ALDH1L2: variants seen among roughly 807,000 people sequenced by gnomAD.
The protein encoded by ALDH1L2 is aldehyde dehydrogenase 1 family member L2.
ALDH1L2 carries 91 observed loss-of-function variants against 111.0 expected under a neutral mutation model. The ratio of observed to expected loss-of-function variants is 0.82; its 90% CI spans 0.69 to 0.98. The LOEUF (loss-of-function observed/expected upper bound fraction) is 0.98, where lower values mean the gene tolerates loss of function less well. Among genes scored for constraint, ALDH1L2 ranks in the 50% least tolerant of loss-of-function variants. The pLI, the probability that ALDH1L2 is intolerant of heterozygous loss-of-function variation, is 0.00. For synonymous variants in ALDH1L2, 374 were observed against 392.6 expected, an observed-to-expected ratio of 0.95 and a Z score of 0.56; for missense variants, 995 against 1,126.8, an observed-to-expected ratio of 0.88 and a Z score of 1.67.
chr12:105,059,193 G>T (rs1876829114), intron 9 of ALDH1L2, among the ~76,000 whole-genome samples: 3 of 151,738 alleles, frequency 2.0e-5, no homozygotes, highest in Admixed American at 1.3e-4. Context: ...CTTGAACCTG[G>T]GAGACGGAGG....
chr12:105,077,471 G>T (rs1878117709), intron 1 of ALDH1L2, among the ~76,000 whole-genome samples: 2 of 151,170 alleles, frequency 1.3e-5, no homozygotes, highest in African/African-American at 4.9e-5. Context: ...TAGAGATGGG[G>T]TTTCATCGTG....
intron 12 of ALDH1L2, 110 bp from the exon 13 acceptor site, chr12:105,050,168 G>C: frequency 9.3e-7 from 1 of 1,073,156 alleles, no homozygotes; most frequent in Non-Finnish European, 1.3e-6. Context: ...ATATGGATCA[G>C]ATCTCTGCCC....
chr12:105,036,510 TATTTTATATATATATA>T (rs1176559089), intron 18 of ALDH1L2, among the ~76,000 whole-genome samples: 4 of 71,652 alleles, frequency 5.6e-5, no homozygotes, highest in Non-Finnish European at 8.5e-5. Flanking sequence ...TGTATATATA[TATTTTATATATATATA>T]TATATATATA....
At chr12:105,042,857 G>T (rs1592775647) in intron 15 of ALDH1L2, among the ~76,000 whole-genome samples, 1 of 142,874 alleles carries the variant, frequency 7.0e-6, no homozygotes, top group East Asian at 2.1e-4. Context: ...TTATAGCAAT[G>T]CAAATCTCCA....
chr12:105,074,690 A>G (rs1877945737), intron 1 of ALDH1L2, among the ~76,000 whole-genome samples: 1 of 152,180 alleles, frequency 6.6e-6, no homozygotes. Flanking sequence ...ATTCTAAATT[A>G]GTAAAGCCTC....
chr12:105,034,277 G>A, intron 19 of ALDH1L2, 23 bp downstream of exon 19: 1 of 1,609,330 alleles, frequency 6.2e-7, no homozygotes, highest in Non-Finnish European at 8.5e-7. Flanking sequence ...AAACAACTCA[G>A]AGTAAATGTG....
intron 13 of ALDH1L2, chr12:105,049,491 C>G (rs1309903487): frequency 6.6e-6 from 1 of 152,624 alleles, no homozygotes; most frequent in Non-Finnish European, 1.5e-5. Context: ...GGGGGTAGGG[C>G]CTAATAGGAG....
chr12:105,081,378 G>C (rs1330720339), intron 1 of ALDH1L2, among the ~76,000 whole-genome samples: 11 of 152,170 alleles, frequency 7.2e-5, no homozygotes, highest in Admixed American at 7.2e-4. Flanking sequence ...GATGAAACAA[G>C]AACCTGGTTC....
intron 10 of ALDH1L2, among the ~76,000 whole-genome samples, chr12:105,057,460 G>T (rs1218617537): frequency 6.6e-6 from 1 of 152,068 alleles, no homozygotes; most frequent in Non-Finnish European, 1.5e-5. Context: ...ACTTATATAT[G>T]AATTTTCATA....
chr12:105,070,842 G>T, intron 2 of ALDH1L2, 38 bp from the exon 3 acceptor site: 1 of 1,537,110 alleles, frequency 6.5e-7, no homozygotes, highest in Non-Finnish European at 8.9e-7. Flanking sequence ...TTAGAAGTTA[G>T]CCATAATTTT....
chr12:105,040,770 A>G, intron 15 of ALDH1L2, 76 bp from the exon 16 acceptor site: 2 of 1,124,560 alleles, frequency 1.8e-6, no homozygotes, highest in East Asian at 4.7e-5. Context: ...TTTTCCCTTG[A>G]TAGCTGCACT....
chr12:105,077,995 A>G (rs945407096), intron 1 of ALDH1L2, among the ~76,000 whole-genome samples: 1 of 152,188 alleles, frequency 6.6e-6, no homozygotes, highest in Non-Finnish European at 1.5e-5. Flanking sequence ...TCCGGCACAG[A>G]GTGCCCCAAA....
rs372958090 is a variant in ALDH1L2, at chr12:105,039,735, T to C, written c.2023A>G (p.Ile675Val). ...RKLGFTGSTP[I>V]GKQIMKSCAV... ...TACCTCTTCATGATCTGTTTGCCAA[T>C]AGGAGTGGATCCAGTGAAACCAAGT... Residue 675 changes from isoleucine to valine, a missense_variant, in exon 17 of 23, where the codon ATT becomes GTT. Ile to Val is a conservative substitution (Grantham distance 29). Coordinates refer to ENST00000258494, the MANE Select transcript of ALDH1L2 (RefSeq NM_001034173.4). 9.7e-5 allele frequency: 156 copies of C among 1,613,878 alleles called. No homozygotes were observed. Among genetic ancestry groups the C allele is most frequent in the Non-Finnish European group, 1.3e-4 (149 of 1,179,912 alleles).
At chr12:105,044,349 G>A (rs888786131) in intron 15 of ALDH1L2, among the ~76,000 whole-genome samples, 2 of 151,310 alleles carry the variant, frequency 1.3e-5, no homozygotes, top group East Asian at 2.0e-4. Flanking sequence ...AAAACGTGAC[G>A]CTTTTAAGCA....
chr12:105,070,294 A>G (rs1354534740), intron 3 of ALDH1L2, among the ~76,000 whole-genome samples: 2 of 152,206 alleles, frequency 1.3e-5, no homozygotes, highest in Admixed American at 1.3e-4. Flanking sequence ...TTCATGCAAC[A>G]GTAGTAACCA....
intron 17 of ALDH1L2, among the ~76,000 whole-genome samples, chr12:105,039,207 A>G (rs1396635551): frequency 7.2e-5 from 11 of 152,100 alleles, no homozygotes; most frequent in Non-Finnish European, 1.6e-4. Context: ...TATTTTAACA[A>G]CACTTTTCAA....
chr12:105,053,975 T>C (rs7973422), intron 10 of ALDH1L2, among the ~76,000 whole-genome samples: 17,015 of 151,984 alleles, frequency 0.11, 1,022 homozygotes, highest in African/African-American at 0.16. Context: ...ATCTATAGGG[T>C]AATAATAATA....
intron 19 of ALDH1L2, among the ~76,000 whole-genome samples, chr12:105,032,956 CA>C (rs372591850): frequency 1.6e-3 from 248 of 152,268 alleles, no homozygotes; most frequent in African/African-American, 5.8e-3. Flanking sequence ...GCACGATGTT[CA>C]TCACTGACAT....
chr12:105,052,351 AG>A lies in ALDH1L2; in HGVS notation c.1408-135del, dbSNP rs1268200617. ...GTTATGATAAGAAATGAGTATATCT[AG>A]TACTACAGTAAAGAAAAAGAACAAT... On this transcript the variant is annotated intron_variant, in intron 11 of 22. Transcript: ENST00000258494. 12 of 887,286 alleles carry A rather than the reference AG, an allele frequency of 1.4e-5. No individual in the cohort carries two copies. In the Admixed American group the frequency reaches 3.4e-4, roughly 25 times the overall value. The allele number at this position is 887,286 out of a possible 1,614,324, so 55.0% of individuals were successfully genotyped here.
Sources: gnomAD v4.1 joint callset for allele counts (sites outside exome capture counted in the v4.1 genomes callset) on GRCh38, gnomAD v4.1.1 for gene constraint, MANE v1.5 for transcripts, NCBI Gene and HGNC (gene_info 2026-07-23, HGNC 2026-07-21) for gene names.